Variants in ARHGAP44 observed in about 807,000 individuals in gnomAD.
The protein encoded by ARHGAP44 is Rho GTPase activating protein 44.
ARHGAP44 carries 43 observed loss-of-function variants against 106.8 expected under a neutral mutation model. That is an observed-to-expected ratio of 0.40 (90% confidence interval 0.32 to 0.52). ARHGAP44 has a LOEUF of 0.52. ARHGAP44 is among the 20% of genes least tolerant of loss of function. The pLI, the probability that ARHGAP44 is intolerant of heterozygous loss-of-function variation, is 0.48. For synonymous variants in ARHGAP44, 439 were observed against 410.3 expected, an observed-to-expected ratio of 1.07 and a Z score of -0.85; for missense variants, 866 against 1,050.5, an observed-to-expected ratio of 0.82 and a Z score of 2.43.
intron 1 of ARHGAP44, among the ~76,000 whole-genome samples, chr17:12,817,446 A>G (rs1355866257): frequency 6.6e-6 from 1 of 152,056 alleles, no homozygotes; most frequent in Non-Finnish European, 1.5e-5. Flanking sequence ...CAAATCAGTA[A>G]TATAAGGTTC....
chr17:12,863,289 A>G lies in ARHGAP44; in HGVS notation c.54-31651A>G, dbSNP rs906154485. ...GACTGCTTGGAAACAGCCCAACGAG[A>G]AATAAGAACTTCTGATTGCTAATCC... is the stretch of plus-strand genomic sequence containing the variant. On this transcript the variant is annotated intron_variant, in intron 1 of 20. Coordinates refer to ENST00000379672, the MANE Select transcript of ARHGAP44 (RefSeq NM_014859.6). 1.4e-4 allele frequency among the ~76,000 whole-genome samples: 21 copies of G among 152,238 alleles called. 1 individual carries two copies. The highest frequency in any genetic ancestry group is 5.2e-4 in the Admixed American group (8 of 15,292).
chr17:12,931,142 G>A (rs951088456), intron 7 of ARHGAP44, among the ~76,000 whole-genome samples: 2 of 152,106 alleles, frequency 1.3e-5, no homozygotes, highest in South Asian at 4.1e-4. Flanking sequence ...CGTGATCTCG[G>A]CTCATTGCAA....
At chr17:12,880,261 A>G (rs947056237) in intron 1 of ARHGAP44, among the ~76,000 whole-genome samples, 2 of 152,182 alleles carry the variant, frequency 1.3e-5, no homozygotes, top group Admixed American at 6.5e-5. Flanking sequence ...GAAGAAAGCT[A>G]TGAACCTATA....
At position 12,949,717 on chromosome 17, in the gene ARHGAP44, A is replaced by T; in HGVS notation, c.1042A>T (p.Ile348Phe). The T allele has an allele frequency of 6.2e-7, 1 of 1,613,594 alleles. No homozygotes were observed. Among genetic ancestry groups the T allele is most frequent in the Non-Finnish European group, 8.5e-7 (1 of 1,179,728 alleles). Residue 348 changes from isoleucine (I) to phenylalanine (F), a missense_variant, in exon 12 of 21, where the codon ATC becomes TTC. This residue lies in a region of ARHGAP44 where 448 missense variants were observed against 646.9 expected (regional missense o/e 0.69). Transcript: ENST00000379672. The surrounding 1 kb of genome is among the most constrained non-coding windows in gnomAD (Gnocchi z 4.1). ...LMTFELYDEW[I>F]QASNVQEQDK... is the part of the protein sequence containing the mutation. ...GACCTTTGAACTCTATGATGAGTGG[A>T]TCCAGGCTTCCAAGTGAGTACCCCT... is the stretch of plus-strand genomic sequence containing the variant.
intron 1 of ARHGAP44, among the ~76,000 whole-genome samples, chr17:12,800,639 C>T (rs1487173489): frequency 2.0e-5 from 3 of 152,220 alleles, no homozygotes. Flanking sequence ...ACAGAAGCCA[C>T]ATCTGTGTCA....
At chr17:12,987,132 CGT>C in intron 20 of ARHGAP44, 3 of 1,532,854 alleles carry the variant, frequency 2.0e-6, no homozygotes, top group Middle Eastern at 1.7e-4. Context: ...GTTTTGGATA[CGT>C]GTGAGGGGGA....
In ARHGAP44 at chr17:12,958,761, G is replaced by A. The variant is rs3213688; in HGVS notation, c.1387G>A (p.Val463Met). ...ITGNYGSPVH[V>M]NHNANYSSMP... ...TGGCAATTATGGGAGTCCAGTACAC[G>A]TGAACCATAATGCCAACTACAGCTC... The change falls in exon 16 of 21, where the codon GTG becomes ATG. Residue 463 changes from valine (V) to methionine (M), a missense_variant. Around this residue, in one of 2 missense-constraint regions of ARHGAP44, gnomAD observed 448 missense variants for 646.9 expected, o/e 0.69. Transcript: ENST00000379672. The surrounding 1 kb of genome is among the most constrained non-coding windows in gnomAD (Gnocchi z 4.1). 2.1e-4 allele frequency: 345 copies of A among 1,613,862 alleles called. 2 individuals are homozygous for A. In the East Asian group the frequency reaches 6.3e-3, roughly 29 times the overall value.
intron 16 of ARHGAP44, among the ~76,000 whole-genome samples, chr17:12,960,975 G>C (rs1176903409): frequency 6.6e-6 from 1 of 152,206 alleles, no homozygotes; most frequent in East Asian, 1.9e-4. Flanking sequence ...TATTAACGCA[G>C]TTCCTATGTG....
At chr17:12,951,515 G>A (rs902825440) in intron 12 of ARHGAP44, among the ~76,000 whole-genome samples, 8 of 152,158 alleles carry the variant, frequency 5.3e-5, no homozygotes, top group Non-Finnish European at 1.2e-4. Flanking sequence ...ATATATAAGT[G>A]ATCTTGATGA....
chr17:12,957,988 T>G (rs1286136640), intron 15 of ARHGAP44, among the ~76,000 whole-genome samples: 1 of 152,138 alleles, frequency 6.6e-6, no homozygotes, highest in Non-Finnish European at 1.5e-5. Flanking sequence ...TCCCTAAGAG[T>G]TGCGTTGATA....
chr17:12,851,009 C>T (rs774604709), intron 1 of ARHGAP44, among the ~76,000 whole-genome samples: 16 of 152,228 alleles, frequency 1.1e-4, no homozygotes, highest in Non-Finnish European at 1.5e-4. Flanking sequence ...CTGCTGTCCT[C>T]ATTGGTAAAA....
At chr17:12,941,002 G>A (rs1011239641) in intron 7 of ARHGAP44, 54 bp from the exon 8 acceptor site, 25 of 1,504,744 alleles carry the variant, frequency 1.7e-5, no homozygotes, top group South Asian at 3.4e-5. Context: ...TTATGCATTA[G>A]CCACTCTCCA....
At chr17:12,828,848 A>G (rs2035004896) in intron 1 of ARHGAP44, among the ~76,000 whole-genome samples, 1 of 151,814 alleles carries the variant, frequency 6.6e-6, no homozygotes, top group South Asian at 2.1e-4. Context: ...TCACTGTGTT[A>G]GCCAGGATGG....
chr17:12,973,053 C>T (rs2039569299), intron 16 of ARHGAP44: 3 of 428,224 alleles, frequency 7.0e-6, no homozygotes, highest in Non-Finnish European at 1.2e-5. Context: ...CTTCCCCATG[C>T]CACACCAATA....
chr17:12,861,654 T>TTTTTTTTTTTTTTTTTTTTTTG (rs2036083414), intron 1 of ARHGAP44, among the ~76,000 whole-genome samples: 1 of 8,800 alleles, frequency 1.1e-4, no homozygotes, highest in Admixed American at 1.6e-3. Context: ...CTTTTTTTTT[T>TTTTTTTTTTTTTTTTTTTTTTG]TTTTGAGATG....
At chr17:12,791,061 A>T (rs1019405532) in intron 1 of ARHGAP44, among the ~76,000 whole-genome samples, 15 of 151,950 alleles carry the variant, frequency 9.9e-5, no homozygotes, top group Admixed American at 9.2e-4. Flanking sequence ...ATCCCTGGGG[A>T]ATAGGGGACA....
At chr17:12,942,931 A>G (rs2038746847) in intron 8 of ARHGAP44, among the ~76,000 whole-genome samples, 1 of 152,244 alleles carries the variant, frequency 6.6e-6, no homozygotes, top group Non-Finnish European at 1.5e-5. Context: ...GGGTATTTGA[A>G]GAAGATTGCA....
At chr17:12,955,598 GAGTC>G (rs1296115622) in intron 13 of ARHGAP44, among the ~76,000 whole-genome samples, 1 of 152,154 alleles carries the variant, frequency 6.6e-6, no homozygotes, top group African/African-American at 2.4e-5. Flanking sequence ...ATTATATACT[GAGTC>G]AGAAGGAAAG....
chr17:12,960,320 A>G (rs1157867783), intron 16 of ARHGAP44, among the ~76,000 whole-genome samples: 1 of 152,116 alleles, frequency 6.6e-6, no homozygotes, highest in African/African-American at 2.4e-5. Flanking sequence ...CTATAATCCC[A>G]ACACTGGGAG....
Sources: allele counts gnomAD v4.1 joint callset (sites outside exome capture counted in the v4.1 genomes callset), GRCh38; gene constraint gnomAD v4.1.1; regional missense constraint gnomAD v4.1.1; non-coding constraint Gnocchi (gnomAD v3.1); transcripts MANE v1.5; gene names NCBI Gene and HGNC (gene_info 2026-07-23, HGNC 2026-07-21).